Variants in CYP4F8 observed in about 807,000 individuals in gnomAD.
The protein encoded by CYP4F8 is cytochrome P450 4F8.
In CYP4F8, 56 loss-of-function variants were observed where a neutral mutation model predicts 55.0. The ratio of observed to expected loss-of-function variants is 1.02; its 90% CI spans 0.82 to 1.27. The LOEUF (loss-of-function observed/expected upper bound fraction) is 1.27. Among genes scored for constraint, CYP4F8 ranks in the 50% most tolerant of loss-of-function variants. The pLI, the probability that CYP4F8 is intolerant of heterozygous loss-of-function variation, is 0.00. For synonymous variants in CYP4F8, 288 were observed against 267.3 expected, an observed-to-expected ratio of 1.08 and a Z score of -0.76; for missense variants, 680 against 682.4, an observed-to-expected ratio of 1.00 and a Z score of 0.04.
In CYP4F8 at chr19:15,629,599, G is replaced by A. The variant is rs1972310826; in HGVS notation, c.*241G>A. The A allele has an allele frequency of 2.1e-6, 1 of 476,584 alleles. No individual in the cohort carries two copies. The highest frequency in any genetic ancestry group is 3.6e-6 in the Non-Finnish European group (1 of 277,350). 29.5% of individuals were successfully genotyped at this position (476,584 alleles called of 1,614,324 possible). On this transcript the variant is annotated 3_prime_UTR_variant, in exon 13 of 13. Transcript: ENST00000612078. ...CACAGGAGCCCCGTGCTGAGGGTGG[G>A]ATCTCCCAGAGTCTAAGTAAAGACT...
chr19:15,617,214 A>C (rs1345437253), intron 2 of CYP4F8, among the ~76,000 whole-genome samples: 2 of 152,286 alleles, frequency 1.3e-5, no homozygotes, highest in East Asian at 3.9e-4. Context: ...GAGAAAATCC[A>C]TCCTCTTTAT....
In CYP4F8 at chr19:15,629,275, G is replaced by C; in HGVS notation, c.1480G>C (p.Asp494His). 6.2e-7 allele frequency: 1 copy of C among 1,613,332 alleles called. No individual in the cohort carries two copies. The change falls in exon 13 of 13, where the codon GAC (aspartate) becomes CAC (histidine). Residue 494 changes from aspartate to histidine, a missense_variant. Physicochemically the swap from Asp to His is moderately conservative, Grantham distance 81. Coordinates refer to ENST00000612078, the MANE Select transcript of CYP4F8 (RefSeq NM_007253.4). ...GCTGCTGCGCTTCCGCATCCTGCCC[G>C]ACCACAGGGAGCCACGCAGGACGCC... ...LTLLRFRILP[D>H]HREPRRTPEI... is the part of the protein sequence containing the mutation.
chr19:15,619,739 A>G lies in CYP4F8; in HGVS notation c.502A>G (p.Ser168Gly). ...NILKPYIKIFSKSANIMHAKW... is the reference protein window; with the variant it reads ...NILKPYIKIFGKSANIMHAKW... ...CCTGAAGCCCTATATAAAGATTTTC[A>G]GCAAGAGTGCAAACATCATGCATGT... The change falls in exon 5 of 13, where the codon AGC becomes GGC. Residue 168 changes from serine to glycine, a missense_variant. Ser to Gly is a moderately conservative substitution (Grantham distance 56, BLOSUM62 0). Transcript: ENST00000612078. 2 of 1,614,238 alleles carry G rather than the reference A, an allele frequency of 1.2e-6. No homozygotes were observed. Among genetic ancestry groups the G allele is most frequent in the Non-Finnish European group, 1.7e-6 (2 of 1,180,030 alleles).
intron 5 of CYP4F8, among the ~76,000 whole-genome samples, chr19:15,621,038 T>C (rs1057364465): frequency 6.6e-6 from 1 of 152,182 alleles, no homozygotes; most frequent in Non-Finnish European, 1.5e-5. Context: ...ATCCTTTCTC[T>C]AAGCCACCCA....
At chr19:15,619,382 T>G in intron 3 of CYP4F8, 108 bp from the exon 4 acceptor site, 1 of 1,356,954 alleles carries the variant, frequency 7.4e-7, no homozygotes, top group Non-Finnish European at 1.0e-6. Flanking sequence ...CCTGCTATGC[T>G]GGGCTTGGAG....
At chr19:15,620,440 C>T (rs1972178983) in intron 5 of CYP4F8, among the ~76,000 whole-genome samples, 1 of 152,050 alleles carries the variant, frequency 6.6e-6, no homozygotes, top group African/African-American at 2.4e-5. Context: ...GCTTTGTCTC[C>T]CAGGCTGGAG....
Position 15,623,179 on chromosome 19 carries a change from G to T in CYP4F8, c.722G>T (p.Arg241Leu). 4 of 1,613,978 alleles carry T rather than the reference G, an allele frequency of 2.5e-6. No individual in the cohort carries two copies. The highest frequency in any genetic ancestry group is 3.4e-6 in the Non-Finnish European group (4 of 1,179,988). Reference sequence around the variant, plus strand: ...GTGAAACGGAATAACCAGTTCTTCCGGTACAAGGACTTCCTGTACTTCCTC... The same window carrying T: ...GTGAAACGGAATAACCAGTTCTTCCTGTACAAGGACTTCCTGTACTTCCTC... ...LVVKRNNQFF[R>L]YKDFLYFLTP... Residue 241 changes from arginine to leucine, a missense_variant, in exon 7 of 13, where the codon CGG (arginine) becomes CTG (leucine). Arg to Leu is a moderately radical substitution (Grantham distance 102). Coordinates refer to ENST00000612078, the MANE Select transcript of CYP4F8 (RefSeq NM_007253.4).
At chr19:15,619,920 G>C (rs1972172624) in intron 5 of CYP4F8, among the ~76,000 whole-genome samples, 158 bp downstream of exon 5, 1 of 117,172 alleles carries the variant, frequency 8.5e-6, no homozygotes. Flanking sequence ...CTCACTAAAA[G>C]GTGGTAGGAG....
At chr19:15,616,214 A>ACCCACTCATTCCTCTCCCCG in intron 2 of CYP4F8, among the ~76,000 whole-genome samples, 1 of 109,428 alleles carries the variant, frequency 9.1e-6, no homozygotes, top group Non-Finnish European at 1.9e-5. Flanking sequence ...TCCTCTCCTC[A>ACCCACTCATTCCTCTCCCCG]CTCACTCATT....
rs763311055 is a variant in CYP4F8, at chr19:15,623,691, G to T, written c.919-8G>T. On this transcript the variant is annotated splice_polypyrimidine_tract_variant and splice_region_variant and intron_variant, in intron 7 of 12. Coordinates refer to ENST00000612078, the MANE Select transcript of CYP4F8 (RefSeq NM_007253.4). ...CAGAACTAGTGTGATTGGGGTTCTT[G>T]TCTCCAGGATAAAAATGGTAAAGAG... 2 of 1,614,106 alleles carry T rather than the reference G, an allele frequency of 1.2e-6. No individual in the cohort carries two copies. The highest frequency in any genetic ancestry group is 1.7e-5 in the Admixed American group (1 of 60,022).
In CYP4F8 at chr19:15,623,373, G is replaced by A. The variant is rs1265530862; in HGVS notation, c.916G>A (p.Glu306Lys). 15 of 1,612,802 alleles carry A rather than the reference G, an allele frequency of 9.3e-6. No homozygotes were observed. The East Asian group carries it at 2.2e-4, about 24-fold the overall frequency. The change falls in exon 7 of 13, where the codon GAG becomes AAG. Residue 306 changes from glutamate to lysine, a missense_variant and splice_region_variant. Glu to Lys is a moderately conservative substitution (Grantham distance 56). Transcript: ENST00000612078. ...CTTTATTGATGTGCTCCTGCTGAGC[G>A]AGGTGGGCCTCTCTGGGATCTGAAT... ...LDFIDVLLLS[E>K]DKNGKELSDE...
At chr19:15,627,137 C>G (rs1446403000) in intron 9 of CYP4F8, 2 of 152,110 alleles carry the variant, frequency 1.3e-5, no homozygotes, top group East Asian at 3.8e-4. Flanking sequence ...CTCTTAATAT[C>G]TGGAAGCTTG....
Position 15,615,910 on chromosome 19 carries a change from A to AACTCACTCATTTCTCTGATC in CYP4F8, c.198+107_198+108insTCTCTGATCACTCACTCATT, listed in dbSNP as rs1568380724. 1.1e-4 allele frequency: 86 copies of AACTCACTCATTTCTCTGATC among 750,012 alleles called. 2 individuals are homozygous for AACTCACTCATTTCTCTGATC. The South Asian group carries it at 2.6e-3, about 23-fold the overall frequency. 46.5% of individuals were successfully genotyped at this position (750,012 alleles called of 1,614,324 possible). ...GGGCTCGGGTCTGGGACGGCAGAGA[A>AACTCACTCATTTCTCTGATC]ACTCACTCATTCCTCTGATCACTCA... On this transcript the variant is annotated intron_variant, in intron 2 of 12. Coordinates refer to ENST00000612078, the MANE Select transcript of CYP4F8 (RefSeq NM_007253.4).
Position 15,623,152 on chromosome 19 carries a change from T to C in CYP4F8, c.695T>C (p.Val232Ala). Residue 232 changes from valine to alanine, a missense_variant, in exon 7 of 13, where the codon GTA becomes GCA. Val to Ala is a moderately conservative substitution (Grantham distance 64). Transcript: ENST00000612078. ...ITAIMELSAL[V>A]VKRNNQFFRY... is the part of the protein sequence containing the mutation. ...GCGATCATGGAGCTCAGTGCCCTTG[T>C]AGTGAAACGGAATAACCAGTTCTTC... 3.1e-6 allele frequency: 5 copies of C among 1,614,096 alleles called. No individual in the cohort carries two copies. The highest frequency in any genetic ancestry group is 4.2e-6 in the Non-Finnish European group (5 of 1,180,008).
Position 15,629,479 on chromosome 19 carries a change from G to C in CYP4F8, c.*121G>C. 7.3e-6 allele frequency: 10 copies of C among 1,363,188 alleles called. No homozygotes were observed. The highest frequency in any genetic ancestry group is 9.7e-6 in the Non-Finnish European group (10 of 1,035,320). 84.4% of individuals were successfully genotyped at this position (1,363,188 alleles called of 1,614,324 possible). The stretch of plus-strand genomic sequence containing the variant: ...GCCTCAGTCCCGCGGATGGCCAGTA[G>C]GGGGCGCTGGAGGACTGCGGGGATC... On this transcript the variant is annotated 3_prime_UTR_variant, in exon 13 of 13. Coordinates refer to ENST00000612078, the MANE Select transcript of CYP4F8 (RefSeq NM_007253.4).
chr19:15,619,752 A>G lies in CYP4F8; in HGVS notation c.515A>G (p.Asn172Ser). The G allele has an allele frequency of 6.2e-7, 1 of 1,614,134 alleles. No individual in the cohort carries two copies. The highest frequency in any genetic ancestry group is 8.5e-7 in the Non-Finnish European group (1 of 1,179,992). The change falls in exon 5 of 13, where the codon AAC (asparagine) becomes AGC (serine). Residue 172 changes from asparagine to serine, a missense_variant. Physicochemically the swap from Asn to Ser is conservative, Grantham distance 46 (BLOSUM62 1). Transcript: ENST00000612078. The part of the protein sequence containing the change: ...PYIKIFSKSA[N>S]IMHAKWQRLA... ...ATAAAGATTTTCAGCAAGAGTGCAA[A>G]CATCATGCATGTGAGTGCCTTGAAC...
intron 6 of CYP4F8, 139 bp downstream of exon 6, chr19:15,622,479 G>GGA (rs368022707): frequency 5.9e-4 from 714 of 1,214,818 alleles, no homozygotes; most frequent in African/African-American, 1.5e-3. Context: ...AAGGAGAGAA[G>GGA]GAGAGAGAGA....
chr19:15,617,969 C>T (rs890914614), intron 2 of CYP4F8, 31 bp from the exon 3 acceptor site: 1 of 1,608,212 alleles, frequency 6.2e-7, no homozygotes, highest in East Asian at 2.2e-5. Context: ...CAAGTGGACA[C>T]AGGAGGTGAT....
At chr19:15,628,145 AG>A in intron 9 of CYP4F8, 156 bp from the exon 10 acceptor site, 2 of 1,064,798 alleles carry the variant, frequency 1.9e-6, no homozygotes, top group Non-Finnish European at 2.7e-6. Context: ...TTCTTCTAGT[AG>A]TTTTGTGACT....
Sources: allele counts gnomAD v4.1 joint callset (sites outside exome capture counted in the v4.1 genomes callset), GRCh38; gene constraint gnomAD v4.1.1; transcripts MANE v1.5; gene names NCBI Gene and HGNC (gene_info 2026-07-23, HGNC 2026-07-21).